The following CEMIP variants were observed in gnomAD, a reference collection of about 807,000 sequenced individuals.
CEMIP encodes cell migration-inducing and hyaluronan-binding protein.
In CEMIP, 105 loss-of-function variants were observed where a neutral mutation model predicts 156.9. The observed-to-expected ratio is 0.67, with a 90% CI of 0.57 to 0.79. The LOEUF (loss-of-function observed/expected upper bound fraction) is 0.79, where lower values mean the gene tolerates loss of function less well. Ranked by LOEUF, CEMIP falls within the 30% of genes least tolerant of loss-of-function variation. The pLI, the probability that CEMIP is intolerant of heterozygous loss-of-function variation, is 0.00. For missense variants in CEMIP, 1,457 were observed against 1,769.4 expected, an observed-to-expected ratio of 0.82 and a Z score of 3.17; for synonymous variants, 676 against 668.4, an observed-to-expected ratio of 1.01 and a Z score of -0.17.
rs146153866 is a variant in CEMIP at position 80,894,689 on chromosome 15, C to T, written c.1087-301C>T. Among the ~76,000 whole-genome samples the T allele has an allele frequency of 1.2e-3, 185 of 152,260 alleles. 1 individual carries two copies. Among genetic ancestry groups the T allele is most frequent in the African/African-American group, 4.2e-3 (174 of 41,548 alleles). ...GCCAGCCCAGATCCTAGAAGAGTGG[C>T]TACTTATTGTAAATGCTCCGTAAAA... On this transcript the variant is annotated intron_variant, in intron 10 of 29. Coordinates refer to ENST00000394685, the MANE Select transcript of CEMIP (RefSeq NM_001293298.2).
At chr15:80,948,569 C>A in intron 29 of CEMIP, 1 of 598,232 alleles carries the variant, frequency 1.7e-6, no homozygotes, top group Non-Finnish European at 3.0e-6. Context: ...AGCCATCACC[C>A]TGCCTAGGTG....
At chr15:80,867,194 C>A (rs962880344) in intron 1 of CEMIP, among the ~76,000 whole-genome samples, 5 of 152,148 alleles carry the variant, frequency 3.3e-5, no homozygotes, top group Non-Finnish European at 5.9e-5. Flanking sequence ...CAGAATCAGA[C>A]CCTGCCCCAG....
intron 3 of CEMIP, 33 bp downstream of exon 3, chr15:80,874,006 T>C: frequency 1.3e-6 from 2 of 1,532,986 alleles, no homozygotes; most frequent in Admixed American, 2.0e-5. Flanking sequence ...CCTCTGTATC[T>C]CAGCATGGAA....
intron 14 of CEMIP, chr15:80,909,886 A>C: frequency 3.2e-6 from 1 of 315,648 alleles, no homozygotes. Context: ...AAAGTTTAAC[A>C]CTGGACATCA....
In CEMIP at chr15:80,879,788, G is replaced by A. The variant is rs1475958112; in HGVS notation, c.314G>A (p.Gly105Glu). 1 of 1,614,176 alleles carries A rather than the reference G, an allele frequency of 6.2e-7. No homozygotes were observed. The highest frequency in any genetic ancestry group is 8.5e-7 in the Non-Finnish European group (1 of 1,180,036). Residue 105 changes from glycine to glutamate, a missense_variant, in exon 5 of 30, where the codon GGA becomes GAA. Transcript: ENST00000394685. Reference protein sequence around the residue: ...RTRHILIDNGGELHAGSALCP... With the variant: ...RTRHILIDNGEELHAGSALCP... ...CGGCACATCCTGATTGACAACGGAG[G>A]AGAGCTGCATGCTGGGAGTGCCCTC...
intron 26 of CEMIP, 77 bp from the exon 27 acceptor site, chr15:80,942,174 G>A: frequency 6.7e-7 from 1 of 1,502,196 alleles, no homozygotes; most frequent in Non-Finnish European, 9.3e-7. Flanking sequence ...ACCATTTCCT[G>A]TGACTGGGGA....
intron 10 of CEMIP, among the ~76,000 whole-genome samples, chr15:80,892,887 TATTTA>T (rs1255592843): frequency 1.3e-5 from 2 of 152,256 alleles, no homozygotes; most frequent in Non-Finnish European, 1.5e-5. Flanking sequence ...CATTTTTTAT[TATTTA>T]AAATTAATTT....
chr15:80,809,283 A>G (rs993769113), intron 1 of CEMIP, among the ~76,000 whole-genome samples: 1 of 152,200 alleles, frequency 6.6e-6, no homozygotes, highest in Non-Finnish European at 1.5e-5. Flanking sequence ...GGTTGAGTCA[A>G]TTATTGTGTC....
chr15:80,887,585 GAC>G, intron 7 of CEMIP, 107 bp from the exon 8 acceptor site: 13 of 780,074 alleles, frequency 1.7e-5, no homozygotes, highest in South Asian at 2.9e-5. Flanking sequence ...AGCAGGGAGG[GAC>G]CCTCCTTCAC....
At position 80,932,997 on chromosome 15, in the gene CEMIP, C is replaced by T. The variant is rs148421904; in HGVS notation, c.2794-248C>T. ...CAGTCTCCAAGCTCATCCACAGCAG[C>T]CAACCCTCCAGTGAGCAGAGGCCAA... On this transcript the variant is annotated intron_variant, in intron 22 of 29. Transcript: ENST00000394685. The surrounding 1 kb of genome is among the most constrained non-coding windows in gnomAD (Gnocchi z 4.5). Among the ~76,000 whole-genome samples, 568 of 152,306 alleles carry T rather than the reference C, an allele frequency of 3.7e-3. 7 individuals carry two copies. Among genetic ancestry groups the T allele is most frequent in the African/African-American group, 0.013 (525 of 41,558 alleles).
At position 80,906,551 on chromosome 15, in the gene CEMIP, C is replaced by T. The variant is rs1899811874; in HGVS notation, c.1412-112C>T. On this transcript the variant is annotated intron_variant, in intron 12 of 29. Transcript: ENST00000394685. This position sits in a 1 kb window ranked among gnomAD's most constrained non-coding sequence, Gnocchi z 4.3. ...TTCTGTAACATGAGACCACTGTGCA[C>T]ACCAGGCATGGCGATGAGTAAGCAG... 11 of 1,077,550 alleles carry T rather than the reference C, an allele frequency of 1.0e-5. No individual in the cohort carries two copies. Among genetic ancestry groups the T allele is most frequent in the Non-Finnish European group, 1.5e-5 (11 of 726,908 alleles). 66.7% of individuals were successfully genotyped at this position (1,077,550 alleles called of 1,614,324 possible).
intron 1 of CEMIP, among the ~76,000 whole-genome samples, chr15:80,803,272 TGGG>T (rs1449068884): frequency 6.6e-6 from 1 of 152,176 alleles, no homozygotes; most frequent in Non-Finnish European, 1.5e-5. Context: ...AGGAGGTTAT[TGGG>T]ACAGCATTTC....
intron 1 of CEMIP, among the ~76,000 whole-genome samples, chr15:80,793,060 A>T (rs1051523719): frequency 1.3e-5 from 2 of 152,214 alleles, no homozygotes; most frequent in Admixed American, 1.3e-4. Flanking sequence ...AGAAGTGTAA[A>T]AAGCAGACTT....
intron 1 of CEMIP, among the ~76,000 whole-genome samples, chr15:80,848,926 A>ACACACACACACACACACACC (rs374603705): frequency 2.0e-4 from 26 of 131,186 alleles, no homozygotes; most frequent in African/African-American, 6.2e-4. Context: ...ACACACACAC[A>ACACACACACACACACACACC]CCCTGGCTTC....
At chr15:80,839,255 A>G (rs1032174377) in intron 1 of CEMIP, among the ~76,000 whole-genome samples, 6 of 146,774 alleles carry the variant, frequency 4.1e-5, no homozygotes, top group Non-Finnish European at 1.5e-5. Context: ...GAGGAGGTCC[A>G]GTCAGGAGTG....
chr15:80,836,841 G>T (rs1897281687), intron 1 of CEMIP, among the ~76,000 whole-genome samples: 1 of 152,208 alleles, frequency 6.6e-6, no homozygotes, highest in Non-Finnish European at 1.5e-5. Context: ...GCAGTAGGAA[G>T]TTATAAGTGA....
intron 1 of CEMIP, among the ~76,000 whole-genome samples, chr15:80,822,398 G>A (rs1896932003): frequency 6.6e-6 from 1 of 152,206 alleles, no homozygotes; most frequent in Non-Finnish European, 1.5e-5. Context: ...TGCAGTCACA[G>A]CTCTGTCCCT....
intron 1 of CEMIP, among the ~76,000 whole-genome samples, chr15:80,829,845 C>T (rs1376098094): frequency 6.6e-6 from 1 of 152,086 alleles, no homozygotes; most frequent in Admixed American, 6.5e-5. Context: ...GGCTGGTAAA[C>T]CAACGCTTCC....
chr15:80,951,534 A>AGAG lies in CEMIP; in HGVS notation c.*2611_*2613dup, dbSNP rs1236533838. On this transcript the variant is annotated 3_prime_UTR_variant, in exon 30 of 30. Transcript: ENST00000394685. ...GTCCTTTTTCGGGAGTTAGATGTAT[A>AGAG]GAGTGTTTGTATGTAAACATTTCTT... 1 of 152,674 alleles carries AGAG rather than the reference A, an allele frequency of 6.5e-6. No homozygotes were observed. The highest frequency in any genetic ancestry group is 6.5e-5 in the Admixed American group (1 of 15,284). The allele number at this position is 152,674 out of a possible 1,614,324, so 9.5% of individuals were successfully genotyped here. A position where few individuals can be genotyped will look rare whatever the true frequency, so the allele number is the denominator to read the frequency against.
Sources: gnomAD v4.1 joint callset for allele counts (sites outside exome capture counted in the v4.1 genomes callset) on GRCh38, gnomAD v4.1.1 for gene constraint, Gnocchi (gnomAD v3.1) non-coding constraint, MANE v1.5 for transcripts, NCBI Gene and HGNC (gene_info 2026-07-23, HGNC 2026-07-21) for gene names.